The following ELAVL4 variants were observed in gnomAD, a reference collection of about 807,000 sequenced individuals.
The protein encoded by ELAVL4 is ELAV like RNA binding protein 4.
Under a neutral mutation model 35.6 loss-of-function variants are expected in ELAVL4, and 1 was observed. The ratio of observed to expected loss-of-function variants is 0.03; its 90% CI spans 0.01 to 0.13. The LOEUF is 0.13. Ranked by LOEUF, ELAVL4 falls within the 10% of genes least tolerant of loss-of-function variation. ELAVL4 has a pLI of 1.00. For synonymous variants in ELAVL4, 156 were observed against 171.0 expected (o/e 0.91, Z 0.69); for missense variants, 267 against 464.9 (o/e 0.57, Z 3.91).
At chr1:50,120,269 A>C (rs1282349754) in intron 1 of ELAVL4, among the ~76,000 whole-genome samples, 1 of 151,896 alleles carries the variant, frequency 6.6e-6, no homozygotes, top group Non-Finnish European at 1.5e-5. Context: ...TCATGGAGGA[A>C]ATGCCATTTG....
chr1:50,104,821 C>G (rs772022134), upstream of ELAVL4, among the ~76,000 whole-genome samples: 3 of 152,146 alleles, frequency 2.0e-5, no homozygotes, highest in Non-Finnish European at 2.9e-5. Flanking sequence ...TAACATACCC[C>G]CAATCACTTG....
chr1:50,189,385 C>G (rs1365849730), intron 3 of ELAVL4, among the ~76,000 whole-genome samples: 1 of 152,254 alleles, frequency 6.6e-6, no homozygotes, highest in South Asian at 2.1e-4. Context: ...TGATGAATGA[C>G]AACGCCTGCT....
chr1:50,114,165 CA>C (rs1434470042), intron 1 of ELAVL4, among the ~76,000 whole-genome samples: 1 of 152,062 alleles, frequency 6.6e-6, no homozygotes, highest in Non-Finnish European at 1.5e-5. Context: ...AGCTAAAAGC[CA>C]TCCCTTCAAT....
intron 1 of ELAVL4, among the ~76,000 whole-genome samples, chr1:50,110,149 T>C (rs1443627270): frequency 6.6e-6 from 1 of 152,058 alleles, no homozygotes; most frequent in Non-Finnish European, 1.5e-5. Flanking sequence ...CCAGAATCCA[T>C]CTCCAAGTGT....
At chr1:50,126,620 A>G (rs1669969834) in intron 1 of ELAVL4, among the ~76,000 whole-genome samples, 1 of 152,096 alleles carries the variant, frequency 6.6e-6, no homozygotes, top group Non-Finnish European at 1.5e-5. Context: ...CATTGTGTAT[A>G]CTGTTACATA....
At chr1:50,119,925 G>T (rs1409295301) in intron 1 of ELAVL4, among the ~76,000 whole-genome samples, 1 of 151,708 alleles carries the variant, frequency 6.6e-6, no homozygotes, top group Non-Finnish European at 1.5e-5. Context: ...GACTAAGCTT[G>T]CACGTTTAGT....
chr1:50,152,613 C>T (rs1674990508), intron 2 of ELAVL4, among the ~76,000 whole-genome samples: 1 of 152,172 alleles, frequency 6.6e-6, no homozygotes, highest in African/African-American at 2.4e-5. Context: ...AATTCATTTT[C>T]TTCTTGTCTT....
chr1:50,098,125 A>G (rs951434784), intron 1 of ELAVL4, among the ~76,000 whole-genome samples: 2 of 152,180 alleles, frequency 1.3e-5, no homozygotes, highest in Admixed American at 1.3e-4. Context: ...TTCACTGACA[A>G]TGGAAAAATC....
chr1:50,088,338 A>C (rs1665339222), intron 1 of ELAVL4, among the ~76,000 whole-genome samples: 1 of 152,192 alleles, frequency 6.6e-6, no homozygotes, highest in Non-Finnish European at 1.5e-5. Context: ...GCATCACTGC[A>C]CTATTTTTGT....
upstream of ELAVL4, chr1:50,106,491 G>T (rs1666320716): frequency 2.2e-6 from 2 of 896,122 alleles, no homozygotes; most frequent in African/African-American, 3.3e-5. Flanking sequence ...TTTCTGTGGT[G>T]GTGGATTGTG....
intron 1 of ELAVL4, among the ~76,000 whole-genome samples, chr1:50,065,905 G>A (rs1476941446): frequency 1.3e-5 from 2 of 152,122 alleles, no homozygotes; most frequent in Non-Finnish European, 2.9e-5. Context: ...TTTTCCTCTA[G>A]AAGGAGAACC....
upstream of ELAVL4, among the ~76,000 whole-genome samples, chr1:50,103,299 T>G (rs1204657883): frequency 6.6e-6 from 1 of 152,190 alleles, no homozygotes; most frequent in Non-Finnish European, 1.5e-5. Flanking sequence ...GACTATCAGG[T>G]CATATATCTC....
chr1:50,140,377 A>G (rs1463763236), intron 1 of ELAVL4, among the ~76,000 whole-genome samples: 1 of 152,196 alleles, frequency 6.6e-6, no homozygotes, highest in Non-Finnish European at 1.5e-5. Flanking sequence ...TTCTACCAAC[A>G]CACATCTTTT....
At chr1:50,074,457 T>C (rs1375419861) in intron 1 of ELAVL4, among the ~76,000 whole-genome samples, 1 of 152,224 alleles carries the variant, frequency 6.6e-6, no homozygotes, top group East Asian at 1.9e-4. Context: ...TGTTCGCATT[T>C]CTGATTCCTG....
chr1:50,068,422 C>A (rs1664366399), intron 1 of ELAVL4, among the ~76,000 whole-genome samples: 2 of 152,126 alleles, frequency 1.3e-5, no homozygotes, highest in South Asian at 4.1e-4. Context: ...GGACCAATGG[C>A]TGGAGGTTTC....
At chr1:50,137,922 C>T (rs1315266940) in intron 1 of ELAVL4, among the ~76,000 whole-genome samples, 1 of 152,138 alleles carries the variant, frequency 6.6e-6, no homozygotes, top group African/African-American at 2.4e-5. Flanking sequence ...GAGGGATTAC[C>T]ATGCCAGGAA....
chr1:50,141,357 T>G (rs12092053), intron 1 of ELAVL4, among the ~76,000 whole-genome samples: 6,011 of 151,270 alleles, frequency 0.04, 418 homozygotes, highest in African/African-American at 0.14. Context: ...GCCTGGGGGG[T>G]TTTTGCCATT....
At chr1:50,048,114 T>C (rs1484713020) in exon 1 of ELAVL4, 1 of 1,475,716 alleles carries the variant, frequency 6.8e-7, no homozygotes, top group South Asian at 1.3e-5. Flanking sequence ...CCCGCCGCGC[T>C]CCGCCCCACC....
intron 1 of ELAVL4, among the ~76,000 whole-genome samples, chr1:50,133,462 T>C (rs1225207916): frequency 2.0e-5 from 3 of 152,048 alleles, no homozygotes; most frequent in African/African-American, 7.2e-5. Flanking sequence ...AGGGAATGTT[T>C]AGGGGCAATG....
Sources: allele counts gnomAD v4.1 joint callset (sites outside exome capture counted in the v4.1 genomes callset), GRCh38; gene constraint gnomAD v4.1.1; transcripts MANE v1.5; gene names NCBI Gene and HGNC (gene_info 2026-07-23, HGNC 2026-07-21).